PRKCB: variants seen among roughly 807,000 people sequenced by gnomAD.
PRKCB encodes protein kinase C beta type.
PRKCB carries 13 observed loss-of-function variants against 81.5 expected under a neutral mutation model. The ratio of observed to expected loss-of-function variants is 0.16; its 90% CI spans 0.10 to 0.25. PRKCB has a LOEUF of 0.25. Ranked by LOEUF, PRKCB falls within the 10% of genes least tolerant of loss-of-function variation. PRKCB has a pLI of 1.00. For missense variants in PRKCB, 509 were observed against 875.7 expected (o/e 0.58, Z 5.29); for synonymous variants, 335 against 321.4 (o/e 1.04, Z -0.45).
chr16:24,126,496 C>T (rs1292111221), intron 9 of PRKCB, among the ~76,000 whole-genome samples: 1 of 152,054 alleles, frequency 6.6e-6, no homozygotes, highest in Non-Finnish European at 1.5e-5. Flanking sequence ...CTCAAGCAGT[C>T]CAGCTCCTAC....
chr16:24,156,895 A>T lies in PRKCB; in HGVS notation c.1239+2038A>T, dbSNP rs7194151. On this transcript the variant is annotated intron_variant, in intron 10 of 16. Coordinates refer to ENST00000643927, the MANE Select transcript of PRKCB (RefSeq NM_002738.7). ...AGGACAGTCTCCGTCCAGTAAATCA[A>T]CTAAGTAAGAAAGGGACCTTGTGCC... 3.5e-4 allele frequency among the ~76,000 whole-genome samples: 53 copies of T among 152,270 alleles called. 1 individual carries two copies. The South Asian group carries it at 0.011, about 31-fold the overall frequency.
intron 3 of PRKCB, among the ~76,000 whole-genome samples, chr16:24,021,031 T>TCCCTCCCTCCCTCCCTCCCTCCCTCCCTC (rs1567346721): frequency 7.1e-6 from 1 of 139,980 alleles, no homozygotes; most frequent in Non-Finnish European, 1.5e-5. Context: ...TTTCTTTCTT[T>TCCCTCCCTCCCTCCCTCCCTCCCTCCCTC]CTTTCTTTCT....
chr16:24,003,100 G>A (rs1437928852), intron 3 of PRKCB, among the ~76,000 whole-genome samples: 1 of 152,076 alleles, frequency 6.6e-6, no homozygotes, highest in Non-Finnish European at 1.5e-5. Context: ...TGGGTTCCAG[G>A]AGCTACTCCC....
intron 2 of PRKCB, among the ~76,000 whole-genome samples, chr16:23,909,116 T>G (rs544889096): frequency 6.6e-6 from 1 of 152,376 alleles, no homozygotes; most frequent in East Asian, 1.9e-4. Flanking sequence ...TATCACTTGC[T>G]CTTTTCACTT....
intron 2 of PRKCB, among the ~76,000 whole-genome samples, chr16:23,947,488 A>G (rs955232999): frequency 7.9e-5 from 12 of 152,160 alleles, no homozygotes; most frequent in South Asian, 2.1e-4. Flanking sequence ...TTGATTTGCA[A>G]AACAAGACAG....
chr16:23,874,957 T>C (rs543875805), intron 2 of PRKCB, among the ~76,000 whole-genome samples: 4 of 152,224 alleles, frequency 2.6e-5, no homozygotes, highest in South Asian at 4.1e-4. Flanking sequence ...AGGTCCTACA[T>C]CTGTCTTCCA....
At chr16:23,864,608 G>A (rs11074584) in intron 2 of PRKCB, among the ~76,000 whole-genome samples, 26,915 of 152,192 alleles carry the variant, frequency 0.18, 2,910 homozygotes, top group East Asian at 0.33. Context: ...TTATAGCAGA[G>A]ACCTGCATTG....
chr16:24,169,449 C>T (rs1399103468), intron 10 of PRKCB, among the ~76,000 whole-genome samples: 1 of 152,150 alleles, frequency 6.6e-6, no homozygotes, highest in African/African-American at 2.4e-5. Flanking sequence ...ATGCGTCCCT[C>T]AGCACCACCC....
chr16:23,915,689 C>CAAAAA (rs71154259), intron 2 of PRKCB, among the ~76,000 whole-genome samples: 670 of 54,336 alleles, frequency 0.012, 96 homozygotes, highest in South Asian at 0.039. Context: ...GACTCTCTAT[C>CAAAAA]AAAAAAAAAA....
intron 16 of PRKCB, among the ~76,000 whole-genome samples, chr16:24,201,297 G>C (rs1967953388): frequency 6.6e-6 from 1 of 152,134 alleles, no homozygotes; most frequent in South Asian, 2.1e-4. Context: ...ATGATAGTTA[G>C]TATTCAGATG....
chr16:23,863,577 T>C (rs1329893128), intron 2 of PRKCB, among the ~76,000 whole-genome samples: 1 of 152,160 alleles, frequency 6.6e-6, no homozygotes, highest in African/African-American at 2.4e-5. Flanking sequence ...CCTATCTAGC[T>C]GTGGATTTGT....
At chr16:24,197,703 A>C (rs1967899794) in intron 16 of PRKCB, among the ~76,000 whole-genome samples, 1 of 152,026 alleles carries the variant, frequency 6.6e-6, no homozygotes, top group Non-Finnish European at 1.5e-5. Context: ...AGGTGATAGG[A>C]GCTTGGGCAG....
rs985293547 is a variant in PRKCB at position 24,172,675 on chromosome 16, G to A, written c.1331+314G>A. Reference sequence around the variant, plus strand: ...AGCCTGGGCACCATGACGAGATCTCGTCTCTATAAAAAATAAAAAACTTAG... The same window carrying A: ...AGCCTGGGCACCATGACGAGATCTCATCTCTATAAAAAATAAAAAACTTAG... On this transcript the variant is annotated intron_variant, in intron 11 of 16. Transcript: ENST00000643927. Among the ~76,000 whole-genome samples the A allele has an allele frequency of 2.6e-5, 4 of 151,974 alleles. 1 individual carries two copies. The highest frequency in any genetic ancestry group is 1.3e-4 in the Admixed American group (2 of 15,248).
chr16:23,952,989 A>G (rs909783610), intron 2 of PRKCB, among the ~76,000 whole-genome samples: 1 of 152,156 alleles, frequency 6.6e-6, no homozygotes, highest in Non-Finnish European at 1.5e-5. Flanking sequence ...GTCAACCTGT[A>G]CTGAGAGGGG....
chr16:23,954,474 C>G (rs1280125733), intron 2 of PRKCB, among the ~76,000 whole-genome samples: 1 of 152,184 alleles, frequency 6.6e-6, no homozygotes, highest in Non-Finnish European at 1.5e-5. Flanking sequence ...AGAGCCATGG[C>G]TAGTCATTTC....
chr16:24,116,525 C>T (rs1220457963), intron 8 of PRKCB, among the ~76,000 whole-genome samples: 1 of 152,214 alleles, frequency 6.6e-6, no homozygotes, highest in African/African-American at 2.4e-5. Flanking sequence ...GGGGTCCTCC[C>T]TTCCTGGGAA....
rs2141997970 is a variant in PRKCB at position 24,218,282 on chromosome 16, G to A, written c.*3466G>A. 3.0e-6 allele frequency: 3 copies of A among 985,366 alleles called. No individual in the cohort carries two copies. Among genetic ancestry groups the A allele is most frequent in the Non-Finnish European group, 3.6e-6 (3 of 829,934 alleles). The allele number at this position is 985,366 out of a possible 1,614,324, so 61.0% of individuals were successfully genotyped here. Reference sequence around the variant, plus strand: ...AGAGAGATGCACAGACAATATTAAAGAGGAGGCATTCGAGCTTTGTTGTGA... The same window carrying A: ...AGAGAGATGCACAGACAATATTAAAAAGGAGGCATTCGAGCTTTGTTGTGA... On this transcript the variant is annotated 3_prime_UTR_variant, in exon 17 of 17. Coordinates refer to ENST00000643927, the MANE Select transcript of PRKCB (RefSeq NM_002738.7).
intron 9 of PRKCB, among the ~76,000 whole-genome samples, chr16:24,130,986 T>G (rs432854): frequency 6.6e-6 from 1 of 152,042 alleles, no homozygotes; most frequent in East Asian, 1.9e-4. Flanking sequence ...TTAGAGCTCT[T>G]GATGTATCAC....
At chr16:24,005,924 C>G (rs897336208) in intron 3 of PRKCB, among the ~76,000 whole-genome samples, 4 of 152,228 alleles carry the variant, frequency 2.6e-5, no homozygotes, top group African/African-American at 9.6e-5. Context: ...AATGCTCCTT[C>G]CAGGGAGCGA....
Sources: allele counts gnomAD v4.1 joint callset (sites outside exome capture counted in the v4.1 genomes callset), GRCh38; gene constraint gnomAD v4.1.1; transcripts MANE v1.5; gene names NCBI Gene and HGNC (gene_info 2026-07-23, HGNC 2026-07-21).